Variants in EYS observed in about 807,000 individuals in gnomAD.
EYS encodes EGF-like photoreceptor maintenance factor, also known as protein eyes shut homolog.
Under a neutral mutation model 282.1 loss-of-function variants are expected in EYS, and 250 were observed. The ratio of observed to expected loss-of-function variants is 0.89; its 90% CI spans 0.80 to 0.98. The LOEUF (loss-of-function observed/expected upper bound fraction) is 0.98, where lower values mean the gene tolerates loss of function less well. Among genes scored for constraint, EYS ranks in the 50% least tolerant of loss-of-function variants. The pLI, the probability that EYS is intolerant of heterozygous loss-of-function variation, is 0.00. For synonymous variants in EYS, 1,355 were observed against 1,282.9 expected (o/e 1.06, Z -1.20); for missense variants, 4,016 against 3,709.0 (o/e 1.08, Z -2.15).
At chr6:64,361,781 A>G (rs1030932341) in intron 29 of EYS, among the ~76,000 whole-genome samples, 5 of 151,698 alleles carry the variant, frequency 3.3e-5, no homozygotes, top group African/African-American at 1.2e-4. Context: ...TTTCAATGTG[A>G]GAGTTAGATA....
chr6:64,228,788 G>C (rs182137529), intron 31 of EYS, among the ~76,000 whole-genome samples: 1 of 152,130 alleles, frequency 6.6e-6, no homozygotes, highest in African/African-American at 2.4e-5. Context: ...GTGAAACCTT[G>C]CTTAACTCCA....
At position 63,914,299 on chromosome 6, in the gene EYS, T is replaced by TGTAGAAAGCTAAGATAG. The variant is rs1483687584; in HGVS notation, c.7056-49958_7056-49942dup. Among the ~76,000 whole-genome samples, 5 of 152,160 alleles carry TGTAGAAAGCTAAGATAG rather than the reference T, an allele frequency of 3.3e-5. No homozygotes were observed. The East Asian group carries it at 9.6e-4, about 29-fold the overall frequency. On this transcript the variant is annotated intron_variant, in intron 35 of 42. Transcript: ENST00000503581. ...ATGATGAAGTTTAGTGAGGAAGGCA[T>TGTAGAAAGCTAAGATAG]GTAGAAAGCTAAGATAGGTAGAAAG... is the stretch of plus-strand genomic sequence containing the variant.
At chr6:65,071,274 G>C (rs1407482483) in intron 12 of EYS, among the ~76,000 whole-genome samples, 2 of 151,758 alleles carry the variant, frequency 1.3e-5, no homozygotes, top group Non-Finnish European at 2.9e-5. Context: ...TAGAGAGCAA[G>C]AAAGTTGTTA....
chr6:64,850,761 C>A (rs1181385219), intron 19 of EYS, among the ~76,000 whole-genome samples: 2 of 151,844 alleles, frequency 1.3e-5, no homozygotes, highest in African/African-American at 4.8e-5. Context: ...ATTTACTATG[C>A]AGATGAAGGT....
chr6:63,722,915 A>G (rs67044231), intron 42 of EYS, among the ~76,000 whole-genome samples: 12,683 of 152,240 alleles, frequency 0.083, 575 homozygotes, highest in East Asian at 0.16. Context: ...TTTAGTGAGT[A>G]TACTATGTCG....
intron 30 of EYS, among the ~76,000 whole-genome samples, chr6:64,254,319 A>T (rs1368637298): frequency 1.3e-5 from 2 of 152,116 alleles, no homozygotes; most frequent in African/African-American, 4.8e-5. Flanking sequence ...AAAAAGGTGC[A>T]TGCTGTTTTC....
chr6:64,095,369 T>G (rs1772554243), intron 31 of EYS, among the ~76,000 whole-genome samples: 1 of 152,122 alleles, frequency 6.6e-6, no homozygotes, highest in African/African-American at 2.4e-5. Context: ...AAGTCTCCCA[T>G]TATTATTGTG....
chr6:63,934,784 G>C (rs1197057757), intron 35 of EYS, among the ~76,000 whole-genome samples: 3 of 151,372 alleles, frequency 2.0e-5, no homozygotes, highest in African/African-American at 4.9e-5. Context: ...AGCATTAGGA[G>C]ATATACCTAA....
intron 18 of EYS, among the ~76,000 whole-genome samples, chr6:64,897,995 G>A (rs1411160610): frequency 6.6e-6 from 1 of 152,206 alleles, no homozygotes. Flanking sequence ...GTACCTGAAA[G>A]TGACAGGGAG....
rs564572703 is a variant in EYS, at chr6:64,268,252, TCAAAGAACAC to T, written c.6192-37438_6192-37429del. 4.4e-4 allele frequency among the ~76,000 whole-genome samples: 67 copies of T among 152,004 alleles called. No homozygotes were observed. In the East Asian group the frequency reaches 0.013, roughly 29 times the overall value. ...CAGTAATTATTGTTAAAAAAGAACATCAAAGAACACACTGTTCATGGCATCTTCTGATTTA... is the reference window on the plus strand; with the variant it reads ...CAGTAATTATTGTTAAAAAAGAACATACTGTTCATGGCATCTTCTGATTTA... On this transcript the variant is annotated intron_variant, in intron 30 of 42. Coordinates refer to ENST00000503581, the MANE Select transcript of EYS (RefSeq NM_001142800.2).
intron 5 of EYS, among the ~76,000 whole-genome samples, chr6:65,434,881 T>A (rs887290292): frequency 1.3e-5 from 2 of 152,102 alleles, no homozygotes; most frequent in Non-Finnish European, 2.9e-5. Flanking sequence ...AAATATCTCT[T>A]TCTTTTCGTA....
At chr6:64,838,918 G>T (rs1379993190) in intron 19 of EYS, among the ~76,000 whole-genome samples, 4 of 151,946 alleles carry the variant, frequency 2.6e-5, no homozygotes, top group African/African-American at 9.7e-5. Context: ...AGGAGGAGCT[G>T]CAGCTCCATG....
chr6:65,151,871 A>T (rs1252106663), intron 12 of EYS, among the ~76,000 whole-genome samples: 3 of 151,842 alleles, frequency 2.0e-5, no homozygotes. Context: ...TTGTTATTTA[A>T]CTTATATTAC....
At chr6:64,811,773 T>C (rs935545950) in intron 22 of EYS, among the ~76,000 whole-genome samples, 1 of 152,102 alleles carries the variant, frequency 6.6e-6, no homozygotes, top group Admixed American at 6.6e-5. Context: ...GCCAAACAGA[T>C]GCCTATGCCA....
intron 29 of EYS, among the ~76,000 whole-genome samples, chr6:64,310,283 A>G (rs1425099546): frequency 6.6e-6 from 1 of 152,130 alleles, no homozygotes; most frequent in Admixed American, 6.5e-5. Flanking sequence ...CCATACACAT[A>G]TATGTTCACT....
chr6:64,405,718 C>G (rs890422372), intron 28 of EYS, among the ~76,000 whole-genome samples: 7 of 152,044 alleles, frequency 4.6e-5, no homozygotes, highest in African/African-American at 1.7e-4. Flanking sequence ...TGGGTGAACT[C>G]CCTTTCACAA....
rs556237289 is a variant in EYS at position 65,403,138 on chromosome 6, A to G, written c.1057-533T>C. On this transcript the variant is annotated intron_variant, in intron 6 of 42. Coordinates refer to ENST00000503581, the MANE Select transcript of EYS (RefSeq NM_001142800.2). ...TCAGAGGGACTCTAAACAATATCCT[A>G]GCTGAGACAAGTCAGCTCACAGTAC... Among the ~76,000 whole-genome samples, 16 of 152,190 alleles carry G rather than the reference A, an allele frequency of 1.1e-4. No individual in the cohort carries two copies. The East Asian group carries it at 3.1e-3, about 29-fold the overall frequency.
At chr6:65,268,573 A>T (rs1040790512) in intron 12 of EYS, among the ~76,000 whole-genome samples, 6 of 152,124 alleles carry the variant, frequency 3.9e-5, no homozygotes, top group African/African-American at 1.4e-4. Flanking sequence ...AGGGAGAATA[A>T]TAGAAATGGT....
intron 13 of EYS, among the ~76,000 whole-genome samples, chr6:65,017,496 C>T (rs888729791): frequency 1.3e-4 from 20 of 152,226 alleles, no homozygotes; most frequent in African/African-American, 4.8e-4. Flanking sequence ...TTTATCACTT[C>T]TTCATGTTAG....
Sources: gnomAD v4.1 joint callset for allele counts (sites outside exome capture counted in the v4.1 genomes callset) on GRCh38, gnomAD v4.1.1 for gene constraint, MANE v1.5 for transcripts, NCBI Gene and HGNC (gene_info 2026-07-23, HGNC 2026-07-21) for gene names.